Variants in SPATS2 observed in about 807,000 individuals in gnomAD.
The protein encoded by SPATS2 is spermatogenesis-associated serine-rich protein 2.
Under a neutral mutation model 63.7 loss-of-function variants are expected in SPATS2, and 38 were observed. That is an observed-to-expected ratio of 0.60 (90% CI 0.46 to 0.78). The LOEUF (loss-of-function observed/expected upper bound fraction) is 0.78, where lower values mean the gene tolerates loss of function less well. Ranked by LOEUF, SPATS2 falls within the 30% of genes least tolerant of loss-of-function variation. The pLI is 0.00. For synonymous variants in SPATS2, 207 were observed against 232.9 expected, an observed-to-expected ratio of 0.89 and a Z score of 1.01; for missense variants, 588 against 666.2, an observed-to-expected ratio of 0.88 and a Z score of 1.29.
chr12:49,515,228 C>T (rs1946819135), intron 10 of SPATS2, among the ~76,000 whole-genome samples: 1 of 152,226 alleles, frequency 6.6e-6, no homozygotes, highest in Non-Finnish European at 1.5e-5. Context: ...ATTTTTTGAT[C>T]ATTTCTGTTA....
intron 3 of SPATS2, among the ~76,000 whole-genome samples, chr12:49,478,025 A>T (rs537690099): frequency 1.5e-5 from 2 of 130,374 alleles, no homozygotes; most frequent in Non-Finnish European, 3.1e-5. Context: ...CCCAGGCTGG[A>T]GTGTAGTGGC....
At chr12:49,413,249 C>A (rs762833718) in intron 2 of SPATS2, among the ~76,000 whole-genome samples, 1 of 152,102 alleles carries the variant, frequency 6.6e-6, no homozygotes, top group Admixed American at 6.6e-5. Flanking sequence ...ACTTACATAT[C>A]TGACAGGAGC....
chr12:49,397,325 T>C (rs1357221217), intron 2 of SPATS2, among the ~76,000 whole-genome samples: 1 of 152,150 alleles, frequency 6.6e-6, no homozygotes, highest in Non-Finnish European at 1.5e-5. Flanking sequence ...GGTAGGGACT[T>C]TGTCTTGCTC....
chr12:49,413,180 C>T (rs1346218326), intron 2 of SPATS2, among the ~76,000 whole-genome samples: 7 of 151,928 alleles, frequency 4.6e-5, no homozygotes, highest in Admixed American at 4.6e-4. Context: ...CAAGTTCTGT[C>T]ATGTAGTTGT....
intron 2 of SPATS2, among the ~76,000 whole-genome samples, chr12:49,423,018 A>G (rs1051772427): frequency 4.6e-5 from 7 of 152,058 alleles, no homozygotes; most frequent in Non-Finnish European, 8.8e-5. Context: ...CTACTCCAAT[A>G]AGTATTACCT....
intron 8 of SPATS2, among the ~76,000 whole-genome samples, chr12:49,499,655 A>C (rs2137941933): frequency 6.6e-6 from 1 of 151,954 alleles, no homozygotes; most frequent in Non-Finnish European, 1.5e-5. Context: ...TGTCCCTTCA[A>C]TTCAGGGGGT....
At chr12:49,392,366 A>T (rs1944432882) in intron 2 of SPATS2, among the ~76,000 whole-genome samples, 1 of 152,062 alleles carries the variant, frequency 6.6e-6, no homozygotes, top group Non-Finnish European at 1.5e-5. Context: ...TTCCTTCTGT[A>T]TGCTTCAATC....
At chr12:49,409,169 T>C (rs890084172) in intron 2 of SPATS2, among the ~76,000 whole-genome samples, 3 of 152,318 alleles carry the variant, frequency 2.0e-5, no homozygotes, top group Non-Finnish European at 4.4e-5. Flanking sequence ...GTGAAGAATC[T>C]GGGAAATGGT....
intron 2 of SPATS2, among the ~76,000 whole-genome samples, chr12:49,423,932 G>C (rs1214378882): frequency 1.3e-5 from 2 of 152,214 alleles, no homozygotes; most frequent in Non-Finnish European, 2.9e-5. Flanking sequence ...ACCAGGCGCA[G>C]TGGCTCACTC....
At position 49,391,350 on chromosome 12, in the gene SPATS2, A is replaced by G. The variant is rs577142547; in HGVS notation, c.-244+20060A>G. Among the ~76,000 whole-genome samples the G allele has an allele frequency of 7.2e-5, 11 of 152,302 alleles. No homozygotes were observed. The South Asian group carries it at 2.3e-3, about 32-fold the overall frequency. ...AACATGGTGAAACCCCGTCCCTACT[A>G]AAAATACAAAAATTAGCTGGTCGTG... On this transcript the variant is annotated intron_variant, in intron 2 of 13. Coordinates refer to ENST00000552918, the MANE Select transcript of SPATS2 (RefSeq NM_023071.4).
chr12:49,474,547 T>C (rs1436212389), intron 3 of SPATS2, among the ~76,000 whole-genome samples: 1 of 152,194 alleles, frequency 6.6e-6, no homozygotes, highest in African/African-American at 2.4e-5. Flanking sequence ...ACAAAGTCTT[T>C]TATAACAACA....
At chr12:49,469,800 A>G (rs1389278305) in intron 3 of SPATS2, among the ~76,000 whole-genome samples, 2 of 151,640 alleles carry the variant, frequency 1.3e-5, no homozygotes, top group African/African-American at 4.8e-5. Context: ...AGGCAGGAGA[A>G]TTGCTTGAAC....
chr12:49,464,161 A>C (rs1481529086), intron 3 of SPATS2, among the ~76,000 whole-genome samples: 2 of 152,180 alleles, frequency 1.3e-5, no homozygotes, highest in African/African-American at 4.8e-5. Context: ...TAATTTGATT[A>C]TTTTTAGTAA....
intron 9 of SPATS2, among the ~76,000 whole-genome samples, chr12:49,504,048 C>T (rs370865615): frequency 3.9e-5 from 6 of 152,218 alleles, no homozygotes; most frequent in Middle Eastern, 3.4e-3. Flanking sequence ...TCCTTGTAGC[C>T]GCTACTTCAA....
At chr12:49,484,736 G>A in intron 4 of SPATS2, 67 bp downstream of exon 4, 1 of 1,378,120 alleles carries the variant, frequency 7.3e-7, no homozygotes, top group Non-Finnish European at 1.0e-6. Context: ...AATACGACTA[G>A]TGGCTACCAC....
chr12:49,457,489 AG>A lies in SPATS2; in HGVS notation c.-243-3280del, dbSNP rs942623589. Among the ~76,000 whole-genome samples the A allele has an allele frequency of 9.9e-5, 15 of 151,626 alleles. No individual in the cohort carries two copies. In the Middle Eastern group the frequency reaches 0.014, roughly 138 times the overall value. On this transcript the variant is annotated intron_variant, in intron 2 of 13. Coordinates refer to ENST00000552918, the MANE Select transcript of SPATS2 (RefSeq NM_023071.4). ...GCTCTTGTTGCCCAGGCTGGAATGC[AG>A]TGGCGTGATCTCAGCTCACTGCAAC...
intron 2 of SPATS2, among the ~76,000 whole-genome samples, chr12:49,442,847 A>ATG (rs1027595507): frequency 2.0e-5 from 3 of 148,358 alleles, no homozygotes; most frequent in African/African-American, 7.4e-5. Context: ...ATCACCATTC[A>ATG]TGTCCAGAAC....
chr12:49,522,220 T>G (rs1946953566), intron 11 of SPATS2, among the ~76,000 whole-genome samples: 1 of 140,322 alleles, frequency 7.1e-6, no homozygotes, highest in African/African-American at 3.2e-5. Context: ...AAACTTCTCA[T>G]TTGCAAAGTT....
chr12:49,491,201 C>T (rs1946376824), intron 6 of SPATS2: 1 of 153,768 alleles, frequency 6.5e-6, no homozygotes, highest in South Asian at 2.0e-4. Context: ...CAGAGTACCA[C>T]ACAGTCCTCT....
Sources: gnomAD v4.1 joint callset for allele counts (sites outside exome capture counted in the v4.1 genomes callset) on GRCh38, gnomAD v4.1.1 for gene constraint, MANE v1.5 for transcripts, NCBI Gene and HGNC (gene_info 2026-07-23, HGNC 2026-07-21) for gene names.